The following ARHGAP24 variants were observed in gnomAD, a reference collection of about 807,000 sequenced individuals.
ARHGAP24 encodes the protein Rho GTPase activating protein 24, also known as rho GTPase-activating protein 24.
ARHGAP24 carries 50 observed loss-of-function variants against 76.4 expected under a neutral mutation model. The ratio of observed to expected loss-of-function variants is 0.65; its 90% CI spans 0.52 to 0.83. The LOEUF is 0.83. Among genes scored for constraint, ARHGAP24 ranks in the 40% least tolerant of loss-of-function variants. ARHGAP24 has a pLI of 0.00. For missense variants in ARHGAP24, 930 were observed against 914.2 expected (o/e 1.02, Z -0.22); for synonymous variants, 345 against 323.3 (o/e 1.07, Z -0.72).
chr4:85,670,066 C>G (rs777491575), intron 2 of ARHGAP24, among the ~76,000 whole-genome samples: 3 of 151,912 alleles, frequency 2.0e-5, no homozygotes, highest in Non-Finnish European at 4.4e-5. Flanking sequence ...TGGCTGCAAA[C>G]TTTATTTTAC....
intron 3 of ARHGAP24, among the ~76,000 whole-genome samples, chr4:85,743,673 T>G (rs924306792): frequency 2.0e-5 from 3 of 152,096 alleles, no homozygotes; most frequent in African/African-American, 7.2e-5. Context: ...CAAATCTTTA[T>G]TTTCTTTCTT....
intron 2 of ARHGAP24, among the ~76,000 whole-genome samples, chr4:85,715,558 T>C (rs374215691): frequency 2.0e-5 from 3 of 152,212 alleles, no homozygotes; most frequent in African/African-American, 7.2e-5. Context: ...CTTGAAGTCA[T>C]GTGACTAAAA....
At chr4:85,609,476 A>G (rs1390512765) in intron 2 of ARHGAP24, among the ~76,000 whole-genome samples, 1 of 152,180 alleles carries the variant, frequency 6.6e-6, no homozygotes, top group African/African-American at 2.4e-5. Flanking sequence ...CAGTTGAGTA[A>G]TTACTGATTT....
rs1727422319 is a variant in ARHGAP24 at position 85,779,071 on chromosome 4, G to A, written c.268+57099G>A. 8 of 754,674 alleles carry A rather than the reference G, an allele frequency of 1.1e-5. No homozygotes were observed. In the South Asian group the frequency reaches 3.0e-4, roughly 28 times the overall value. 46.7% of individuals were successfully genotyped at this position (754,674 alleles called of 1,614,324 possible). On this transcript the variant is annotated intron_variant, in intron 3 of 9. Transcript: ENST00000395184. The stretch of plus-strand genomic sequence containing the variant: ...CTCCCTCTTCACCTCTATTTTGAGA[G>A]AAAATATACCCTTGAAAATATTTTA...
intron 2 of ARHGAP24, among the ~76,000 whole-genome samples, chr4:85,652,770 T>C (rs1721992788): frequency 6.6e-6 from 1 of 152,150 alleles, no homozygotes; most frequent in African/African-American, 2.4e-5. Context: ...TGGTATGTGG[T>C]GTGCTTCCAT....
intron 2 of ARHGAP24, among the ~76,000 whole-genome samples, chr4:85,628,792 T>C (rs1163720196): frequency 1.3e-5 from 2 of 152,222 alleles, no homozygotes; most frequent in African/African-American, 4.8e-5. Context: ...TCTTATCTAA[T>C]GTAAGTATAG....
intron 2 of ARHGAP24, among the ~76,000 whole-genome samples, chr4:85,595,958 A>T (rs190111176): frequency 8.7e-4 from 132 of 152,042 alleles, no homozygotes; most frequent in African/African-American, 3.2e-3. Context: ...CTAAGAACTG[A>T]CTCTGCTCCA....
chr4:85,700,409 AAATAAAT>A (rs1724036070), intron 2 of ARHGAP24, among the ~76,000 whole-genome samples: 1 of 24,390 alleles, frequency 4.1e-5, no homozygotes, highest in Non-Finnish European at 3.3e-4. Flanking sequence ...AAAAAAAAAT[AAATAAAT>A]AAAGAAGAAG....
intron 2 of ARHGAP24, among the ~76,000 whole-genome samples, chr4:85,622,416 G>A (rs1720753573): frequency 6.6e-6 from 1 of 151,946 alleles, no homozygotes; most frequent in Non-Finnish European, 1.5e-5. Context: ...TCCCTGCAAA[G>A]GACATGAACT....
At chr4:85,680,646 C>T (rs1427278112) in intron 2 of ARHGAP24, among the ~76,000 whole-genome samples, 1 of 151,956 alleles carries the variant, frequency 6.6e-6, no homozygotes, top group South Asian at 2.1e-4. Flanking sequence ...TTAGAGGACT[C>T]AAGTGACTAA....
chr4:85,844,500 A>G (rs1730767167), intron 3 of ARHGAP24, among the ~76,000 whole-genome samples: 2 of 152,358 alleles, frequency 1.3e-5, no homozygotes, highest in Admixed American at 1.3e-4. Flanking sequence ...CAGAGTTAGC[A>G]GTTGTTAGTA....
At chr4:85,768,891 C>T (rs745545302) in intron 3 of ARHGAP24, among the ~76,000 whole-genome samples, 1 of 152,022 alleles carries the variant, frequency 6.6e-6, no homozygotes, top group Non-Finnish European at 1.5e-5. Context: ...TGACATCAAA[C>T]ATATTAACAT....
At chr4:85,831,460 G>A (rs1729988582) in intron 3 of ARHGAP24, among the ~76,000 whole-genome samples, 1 of 152,008 alleles carries the variant, frequency 6.6e-6, no homozygotes, top group African/African-American at 2.4e-5. Flanking sequence ...TTAAAGATTG[G>A]CATGCTTTAA....
At chr4:85,814,293 C>A (rs1456588942) in intron 3 of ARHGAP24, among the ~76,000 whole-genome samples, 3 of 152,148 alleles carry the variant, frequency 2.0e-5, no homozygotes, top group Non-Finnish European at 4.4e-5. Flanking sequence ...AAAAGTCCCC[C>A]AAAGTCTTAA....
At chr4:85,697,150 G>C (rs567990576) in intron 2 of ARHGAP24, among the ~76,000 whole-genome samples, 134 of 152,262 alleles carry the variant, frequency 8.8e-4, no homozygotes, top group African/African-American at 3.0e-3. Flanking sequence ...ATGCATTTAT[G>C]CTGTCAGCAA....
chr4:85,725,185 A>C (rs72656255), intron 3 of ARHGAP24, among the ~76,000 whole-genome samples: 14,331 of 152,310 alleles, frequency 0.094, 833 homozygotes, highest in African/African-American at 0.15. Flanking sequence ...AAATAGGCAA[A>C]ACAAGACAAA....
intron 4 of ARHGAP24, among the ~76,000 whole-genome samples, chr4:85,924,248 T>G (rs1735894824): frequency 6.6e-6 from 1 of 152,190 alleles, no homozygotes; most frequent in African/African-American, 2.4e-5. Context: ...AGTTAAGTGT[T>G]GGTAAATTTG....
intron 1 of ARHGAP24, among the ~76,000 whole-genome samples, chr4:85,509,743 T>A (rs1018633423): frequency 1.3e-5 from 2 of 152,130 alleles, no homozygotes; most frequent in African/African-American, 4.8e-5. Flanking sequence ...TTTGATTATA[T>A]TGAAGAATGA....
chr4:85,716,924 C>G (rs748748527), intron 2 of ARHGAP24, among the ~76,000 whole-genome samples: 1 of 152,072 alleles, frequency 6.6e-6, no homozygotes, highest in Non-Finnish European at 1.5e-5. Flanking sequence ...TGACCTGTCT[C>G]TCTTGTGCTC....
Sources: allele counts gnomAD v4.1 joint callset (sites outside exome capture counted in the v4.1 genomes callset), GRCh38; gene constraint gnomAD v4.1.1; transcripts MANE v1.5; gene names NCBI Gene and HGNC (gene_info 2026-07-23, HGNC 2026-07-21).